GPR149: variants seen among roughly 807,000 people sequenced by gnomAD.
GPR149 encodes G protein-coupled receptor 149.
A neutral mutation model predicts 50.2 loss-of-function variants in GPR149; 50 were observed. The ratio of observed to expected loss-of-function variants is 1.00; its 90% confidence interval spans 0.79 to 1.26. GPR149 has a LOEUF of 1.26. GPR149 is among the 50% of genes most tolerant of loss of function. GPR149 has a pLI of 0.00. For missense variants in GPR149, 983 were observed against 895.4 expected, an observed-to-expected ratio of 1.10 and a Z score of -1.25; for synonymous variants, 405 against 358.2, an observed-to-expected ratio of 1.13 and a Z score of -1.48.
At chr3:154,403,962 T>A (rs896737097) in intron 3 of GPR149, among the ~76,000 whole-genome samples, 8 of 152,202 alleles carry the variant, frequency 5.3e-5, no homozygotes, top group African/African-American at 1.7e-4. Context: ...GTTTTAAATT[T>A]AAAAAATGTT....
chr3:154,375,480 T>G (rs962663244), intron 3 of GPR149, among the ~76,000 whole-genome samples: 2 of 152,196 alleles, frequency 1.3e-5, no homozygotes, highest in African/African-American at 4.8e-5. Context: ...ACCAGAGGAC[T>G]GTATGTTCCA....
intron 3 of GPR149, among the ~76,000 whole-genome samples, chr3:154,376,696 C>G (rs1714798832): frequency 6.6e-6 from 1 of 152,126 alleles, no homozygotes. Flanking sequence ...TTTTGGAGAG[C>G]TTTATCTAAA....
intron 3 of GPR149, among the ~76,000 whole-genome samples, chr3:154,382,589 T>A (rs115426672): frequency 6.6e-6 from 1 of 152,222 alleles, no homozygotes; most frequent in Non-Finnish European, 1.5e-5. Context: ...ATATCTTCAA[T>A]TAATATATTT....
chr3:154,429,765 T>C lies in GPR149; in HGVS notation c.-150A>G, dbSNP rs553584379. ...CAGTCCTGCAGAAAATGGTCAGCCA[T>C]GTCTCCTTTAGATCTGACTCAAGCT... On this transcript the variant is annotated 5_prime_UTR_variant, in exon 1 of 4. It removes an upstream start codon present in the reference 5' UTR. Coordinates refer to ENST00000389740, the MANE Select transcript of GPR149 (RefSeq NM_001038705.3). 21 of 650,788 alleles carry C rather than the reference T, an allele frequency of 3.2e-5. No homozygotes were observed. The highest frequency in any genetic ancestry group is 3.1e-4 in the South Asian group (16 of 51,918). The allele number at this position is 650,788 out of a possible 1,614,324, so 40.3% of individuals were successfully genotyped here. A position where few individuals can be genotyped will look rare whatever the true frequency, so the allele number is the denominator to read the frequency against.
intron 3 of GPR149, among the ~76,000 whole-genome samples, chr3:154,387,107 A>C (rs1487262331): frequency 6.6e-6 from 1 of 152,230 alleles, no homozygotes; most frequent in Non-Finnish European, 1.5e-5. Flanking sequence ...TATACATTTT[A>C]TACTGAAAAG....
intron 3 of GPR149, among the ~76,000 whole-genome samples, chr3:154,404,998 C>A (rs1413357772): frequency 6.6e-6 from 1 of 152,166 alleles, no homozygotes; most frequent in Non-Finnish European, 1.5e-5. Flanking sequence ...ATGCTTACCA[C>A]CTCCTCCACT....
chr3:154,420,908 TG>T (rs1712122007), intron 3 of GPR149, 130 bp downstream of exon 3: 1 of 658,682 alleles, frequency 1.5e-6, no homozygotes, highest in African/African-American at 1.8e-5. Context: ...TTAAATAGCA[TG>T]GAAATTAATT....
At position 154,335,618 on chromosome 3, in the gene GPR149, A is replaced by G. The variant is rs1174457264; in HGVS notation, c.*2081T>C. The G allele has an allele frequency of 1.3e-5, 2 of 152,112 alleles. No homozygotes were observed. The highest frequency in any genetic ancestry group is 2.1e-4 in the South Asian group (1 of 4,832). 9.4% of individuals were successfully genotyped at this position (152,112 alleles called of 1,614,324 possible). A position where few individuals can be genotyped will look rare whatever the true frequency, so the allele number is the denominator to read the frequency against. The stretch of plus-strand genomic sequence containing the variant: ...GCAATTAAATGGGAATATCCTAATT[A>G]TTTTTCCAATTCCCCCAGTTTAAGC... On this transcript the variant is annotated 3_prime_UTR_variant, in exon 4 of 4. Transcript: ENST00000389740.
chr3:154,366,136 C>T (rs1714525364), intron 3 of GPR149, among the ~76,000 whole-genome samples: 1 of 152,038 alleles, frequency 6.6e-6, no homozygotes, highest in Admixed American at 6.6e-5. Flanking sequence ...CCAAACAGAC[C>T]CCTAGAGAAA....
chr3:154,374,964 A>T (rs970052018), intron 3 of GPR149, among the ~76,000 whole-genome samples: 3 of 152,212 alleles, frequency 2.0e-5, no homozygotes, highest in African/African-American at 7.2e-5. Flanking sequence ...GAGCAAAGAT[A>T]AGTATTTAGA....
At position 154,346,806 on chromosome 3, in the gene GPR149, A is replaced by C. The variant is rs532002928; in HGVS notation, c.1624-8535T>G. Among the ~76,000 whole-genome samples, 6 of 152,236 alleles carry C rather than the reference A, an allele frequency of 3.9e-5. No individual in the cohort carries two copies. In the South Asian group the frequency reaches 1.0e-3, roughly 26 times the overall value. On this transcript the variant is annotated intron_variant, in intron 3 of 3. Transcript: ENST00000389740. ...GATAAAGGGTTTTGTCATGTTGGCC[A>C]GGCTGGTCTTGAGCTCCTGACCTCA...
intron 3 of GPR149, among the ~76,000 whole-genome samples, chr3:154,384,000 T>A (rs1474286543): frequency 6.6e-6 from 1 of 152,164 alleles, no homozygotes; most frequent in Non-Finnish European, 1.5e-5. Flanking sequence ...AATAAGTTTT[T>A]GTTGTTTTTA....
intron 3 of GPR149, among the ~76,000 whole-genome samples, chr3:154,339,644 G>A (rs1005409046): frequency 3.9e-5 from 6 of 152,092 alleles, no homozygotes; most frequent in Non-Finnish European, 5.9e-5. Context: ...ACTTGCTATG[G>A]GCATTTTCAA....
chr3:154,407,719 C>CACACACACACACATAT (rs759884952), intron 3 of GPR149, among the ~76,000 whole-genome samples: 5 of 150,372 alleles, frequency 3.3e-5, no homozygotes, highest in Admixed American at 1.3e-4. Context: ...CACACACACA[C>CACACACACACACATAT]ATATATATAT....
At chr3:154,419,104 A>G (rs973496923) in intron 3 of GPR149, among the ~76,000 whole-genome samples, 6 of 152,056 alleles carry the variant, frequency 3.9e-5, no homozygotes, top group African/African-American at 1.4e-4. Context: ...TATTTTTCAT[A>G]GCGACCATTT....
At chr3:154,393,606 T>C (rs925544154) in intron 3 of GPR149, among the ~76,000 whole-genome samples, 1 of 151,860 alleles carries the variant, frequency 6.6e-6, no homozygotes, top group African/African-American at 2.4e-5. Context: ...AAAAGGCATG[T>C]AGGTGAGAAA....
At position 154,336,005 on chromosome 3, in the gene GPR149, G is replaced by C. The variant is rs1372962247; in HGVS notation, c.*1694C>G. On this transcript the variant is annotated 3_prime_UTR_variant, in exon 4 of 4. Coordinates refer to ENST00000389740, the MANE Select transcript of GPR149 (RefSeq NM_001038705.3). ...TTAATGCTACTGATTTATAATATCTGATTTATCTGTCCATTTGTCACTGTG... is the reference window on the plus strand; with the variant it reads ...TTAATGCTACTGATTTATAATATCTCATTTATCTGTCCATTTGTCACTGTG... 1 of 151,936 alleles carries C rather than the reference G, an allele frequency of 6.6e-6. No homozygotes were observed. The highest frequency in any genetic ancestry group is 1.9e-4 in the East Asian group (1 of 5,190). 9.4% of individuals were successfully genotyped at this position (151,936 alleles called of 1,614,324 possible). A position where few individuals can be genotyped will look rare whatever the true frequency, so the allele number is the denominator to read the frequency against.
intron 3 of GPR149, among the ~76,000 whole-genome samples, chr3:154,390,186 G>A (rs1715138048): frequency 6.6e-6 from 1 of 152,080 alleles, no homozygotes; most frequent in Non-Finnish European, 1.5e-5. Context: ...AACACAAAGA[G>A]TCGAGAATAA....
chr3:154,429,270 C>A lies in GPR149; in HGVS notation c.346G>T (p.Gly116Cys). Residue 116 changes from glycine to cysteine, a missense_variant, in exon 1 of 4, where the codon GGC becomes TGC. Physicochemically the swap from Gly to Cys is radical, Grantham distance 159. Coordinates refer to ENST00000389740, the MANE Select transcript of GPR149 (RefSeq NM_001038705.3). The stretch of plus-strand genomic sequence containing the variant: ...GTCGCCTTCAAGTTGCTAGAGAGGC[C>A]CTGGCATAAATACATTAAGGCAGAG... ...TTSALMYLCQ[G>C]LSSNLKATLL... 6.2e-7 allele frequency: 1 copy of A among 1,614,088 alleles called. No homozygotes were observed.
Sources: allele counts gnomAD v4.1 joint callset (sites outside exome capture counted in the v4.1 genomes callset), GRCh38; gene constraint gnomAD v4.1.1; transcripts MANE v1.5; gene names NCBI Gene and HGNC (gene_info 2026-07-23, HGNC 2026-07-21).